The following PRKAG2 variants were observed in gnomAD, a reference collection of about 807,000 sequenced individuals.
The protein encoded by PRKAG2 is protein kinase AMP-activated non-catalytic subunit gamma 2.
A neutral mutation model predicts 69.6 loss-of-function variants in PRKAG2; 26 were observed. That is an observed-to-expected ratio of 0.37 (90% CI 0.27 to 0.52). The LOEUF is 0.52. PRKAG2 is among the 20% of genes least tolerant of loss of function. PRKAG2 has a pLI of 0.90. For missense variants in PRKAG2, 557 were observed against 740.0 expected, an observed-to-expected ratio of 0.75 and a Z score of 2.87; for synonymous variants, 293 against 285.0, an observed-to-expected ratio of 1.03 and a Z score of -0.28.
intron 5 of PRKAG2, among the ~76,000 whole-genome samples, chr7:151,605,574 T>C (rs572230046): frequency 6.7e-6 from 1 of 149,964 alleles, no homozygotes; most frequent in East Asian, 2.0e-4. Flanking sequence ...CCGTCTCTAC[T>C]AAAAATACAA....
rs375331736 is a variant in PRKAG2, at chr7:151,698,809, GCTTTT to G, written c.467-23177_467-23173del. 5.8e-4 allele frequency among the ~76,000 whole-genome samples: 89 copies of G among 152,284 alleles called. 1 individual carries two copies. In the South Asian group the frequency reaches 9.1e-3, roughly 16 times the overall value. On this transcript the variant is annotated intron_variant, in intron 3 of 15. Transcript: ENST00000287878. Reference sequence around the variant, plus strand: ...CTCCCTGACCCTTGTCACCAGCTCTGCTTTTGAGGGAATCCACATTACAGGCAGGG... The same window carrying G: ...CTCCCTGACCCTTGTCACCAGCTCTGGAGGGAATCCACATTACAGGCAGGG...
intron 4 of PRKAG2, among the ~76,000 whole-genome samples, chr7:151,661,112 C>T (rs567024765): frequency 1.5e-4 from 23 of 152,268 alleles, no homozygotes; most frequent in Admixed American, 9.2e-4. Context: ...TTAATCAGAC[C>T]GAACCACCAT....
chr7:151,651,049 T>A (rs1041723823), intron 4 of PRKAG2, among the ~76,000 whole-genome samples: 2 of 152,192 alleles, frequency 1.3e-5, no homozygotes, highest in Admixed American at 6.5e-5. Context: ...AACTGACATA[T>A]TTGTTGTCAA....
intron 1 of PRKAG2, among the ~76,000 whole-genome samples, chr7:151,845,814 C>T (rs1189212565): frequency 3.3e-5 from 5 of 152,228 alleles, no homozygotes; most frequent in Non-Finnish European, 7.3e-5. Flanking sequence ...AACGGCAACC[C>T]CAGCTCATCG....
intron 3 of PRKAG2, among the ~76,000 whole-genome samples, chr7:151,707,156 T>C (rs1838765283): frequency 6.6e-6 from 1 of 152,228 alleles, no homozygotes; most frequent in Non-Finnish European, 1.5e-5. Flanking sequence ...GGATAGCAAC[T>C]GGACCATGTC....
intron 11 of PRKAG2, 124 bp downstream of exon 11, chr7:151,568,592 T>C (rs1806820014): frequency 3.8e-6 from 4 of 1,041,860 alleles, no homozygotes; most frequent in Non-Finnish European, 5.7e-6. Flanking sequence ...AACTGAAGTT[T>C]AGAAAGGGAG....
intron 5 of PRKAG2, among the ~76,000 whole-genome samples, chr7:151,600,009 CTGTT>C (rs1378096588): frequency 2.0e-5 from 3 of 152,198 alleles, no homozygotes; most frequent in Admixed American, 6.5e-5. Flanking sequence ...CTTTCTCCGT[CTGTT>C]TGTGGCCCAG....
chr7:151,629,996 C>T (rs1258838540), intron 5 of PRKAG2, among the ~76,000 whole-genome samples: 3 of 152,206 alleles, frequency 2.0e-5, no homozygotes, highest in Non-Finnish European at 4.4e-5. Flanking sequence ...TGCATTTGGA[C>T]TACCACGCCA....
At chr7:151,643,185 T>G (rs1190348844) in intron 4 of PRKAG2, among the ~76,000 whole-genome samples, 4 of 152,256 alleles carry the variant, frequency 2.6e-5, no homozygotes, top group African/African-American at 9.6e-5. Context: ...AATATTTATA[T>G]TCTCTTATAG....
At chr7:151,649,807 A>G (rs546035905) in intron 4 of PRKAG2, among the ~76,000 whole-genome samples, 21 of 152,274 alleles carry the variant, frequency 1.4e-4, no homozygotes, top group African/African-American at 4.3e-4. Flanking sequence ...AGCGGATACC[A>G]GCATCATGCT....
chr7:151,797,685 A>G (rs2077625840), intron 1 of PRKAG2, among the ~76,000 whole-genome samples: 1 of 152,226 alleles, frequency 6.6e-6, no homozygotes, highest in Non-Finnish European at 1.5e-5. Context: ...ATTATAGATC[A>G]AAAGGTACAG....
At chr7:151,747,385 C>T (rs1199992718) in intron 3 of PRKAG2, among the ~76,000 whole-genome samples, 5 of 152,126 alleles carry the variant, frequency 3.3e-5, no homozygotes, top group East Asian at 3.9e-4. Flanking sequence ...GGTGAAACTC[C>T]GTCTCTACTA....
In PRKAG2 at chr7:151,786,452, C is replaced by T; in HGVS notation, c.186+18G>A. ...ACCTCAAGTGAGCTGTGAGAAACTT[C>T]TGGAAAGGAGGTCTTACCTTTCGAG... On this transcript the variant is annotated intron_variant, in intron 2 of 15. Coordinates refer to ENST00000287878, the MANE Select transcript of PRKAG2 (RefSeq NM_016203.4). 1 of 1,602,852 alleles carries T rather than the reference C, an allele frequency of 6.2e-7. No individual in the cohort carries two copies. Among genetic ancestry groups the T allele is most frequent in the Non-Finnish European group, 8.5e-7 (1 of 1,173,646 alleles).
At chr7:151,868,328 T>A (rs147610145) in intron 1 of PRKAG2, among the ~76,000 whole-genome samples, 4 of 152,362 alleles carry the variant, frequency 2.6e-5, no homozygotes, top group African/African-American at 7.2e-5. Flanking sequence ...GCTCAGCTCG[T>A]TAATAGCTAA....
chr7:151,594,053 T>A (rs918512817), intron 6 of PRKAG2, among the ~76,000 whole-genome samples: 1 of 151,758 alleles, frequency 6.6e-6, no homozygotes, highest in Non-Finnish European at 1.5e-5. Context: ...CCTGGGGAGG[T>A]CTAAAGGGCC....
intron 3 of PRKAG2, among the ~76,000 whole-genome samples, chr7:151,753,101 G>A (rs1266885212): frequency 2.6e-5 from 4 of 152,358 alleles, no homozygotes; most frequent in Admixed American, 2.0e-4. Flanking sequence ...AGAACTGGCC[G>A]TTGTCCTCCT....
At chr7:151,855,960 G>C (rs982682087) in intron 1 of PRKAG2, among the ~76,000 whole-genome samples, 2 of 152,230 alleles carry the variant, frequency 1.3e-5, no homozygotes, top group African/African-American at 4.8e-5. Context: ...GTAGCCACAG[G>C]AAGATAAAGT....
chr7:151,726,335 A>C (rs986367815), intron 3 of PRKAG2, among the ~76,000 whole-genome samples: 5 of 151,792 alleles, frequency 3.3e-5, no homozygotes, highest in African/African-American at 1.2e-4. Context: ...GGAAGTGAAG[A>C]CACAGCACCT....
At chr7:151,834,810 C>T (rs1321112933) in intron 1 of PRKAG2, among the ~76,000 whole-genome samples, 1 of 152,240 alleles carries the variant, frequency 6.6e-6, no homozygotes, top group Non-Finnish European at 1.5e-5. Context: ...AGAAACGCAC[C>T]ATCTCCCAGT....
Sources: gnomAD v4.1 joint callset for allele counts (sites outside exome capture counted in the v4.1 genomes callset) on GRCh38, gnomAD v4.1.1 for gene constraint, MANE v1.5 for transcripts, NCBI Gene and HGNC (gene_info 2026-07-23, HGNC 2026-07-21) for gene names.